The following NSD3 variants were observed in gnomAD, a reference collection of about 807,000 sequenced individuals.
The protein encoded by NSD3 is nuclear receptor binding SET domain protein 3, also known as histone-lysine N-methyltransferase NSD3.
Under a neutral mutation model 160.8 loss-of-function variants are expected in NSD3, and 24 were observed. That is an observed-to-expected ratio of 0.15 (90% CI 0.11 to 0.21). The LOEUF (loss-of-function observed/expected upper bound fraction) is 0.21, where lower values mean the gene tolerates loss of function less well. NSD3 is among the 10% of genes least tolerant of loss of function. The pLI, the probability that NSD3 is intolerant of heterozygous loss-of-function variation, is 1.00. For synonymous variants in NSD3, 520 were observed against 600.0 expected (o/e 0.87, Z 1.95); for missense variants, 1,157 against 1,735.9 (o/e 0.67, Z 5.93).
intron 16 of NSD3, among the ~76,000 whole-genome samples, chr8:38,294,335 A>G (rs1809080940): frequency 6.6e-6 from 1 of 152,150 alleles, no homozygotes; most frequent in East Asian, 1.9e-4. Context: ...AGCTCAAGCA[A>G]TCCACCTGCC....
At chr8:38,308,837 T>C (rs1809467073) in intron 12 of NSD3, among the ~76,000 whole-genome samples, 1 of 151,958 alleles carries the variant, frequency 6.6e-6, no homozygotes, top group Non-Finnish European at 1.5e-5. Context: ...AAATAAGCCT[T>C]CATTTATGTA....
intron 1 of NSD3, among the ~76,000 whole-genome samples, chr8:38,351,684 T>C (rs745778396): frequency 2.0e-5 from 3 of 150,294 alleles, no homozygotes; most frequent in African/African-American, 7.3e-5. Flanking sequence ...AAAAATACTA[T>C]GCAGCCATAA....
intron 15 of NSD3, among the ~76,000 whole-genome samples, chr8:38,298,483 C>T (rs980914967): frequency 6.6e-6 from 1 of 152,040 alleles, no homozygotes; most frequent in African/African-American, 2.4e-5. Flanking sequence ...ATACATCAAA[C>T]AGGCAACACA....
chr8:38,314,851 T>C lies in NSD3; in HGVS notation c.2116-78A>G, dbSNP rs1809618809. On this transcript the variant is annotated intron_variant, in intron 11 of 23. Coordinates refer to ENST00000317025, the MANE Select transcript of NSD3 (RefSeq NM_023034.2). ...ACATGGGCGGCTTGTTAAACACAAA[T>C]TACCGGGTCCCTCACCCACAGACTG... 1.0e-5 allele frequency: 15 copies of C among 1,480,840 alleles called. No homozygotes were observed. The South Asian group carries it at 1.3e-4, about 13-fold the overall frequency. The allele number at this position is 1,480,840 out of a possible 1,614,324, so 91.7% of individuals were successfully genotyped here.
chr8:38,359,507 A>G (rs1468369314), intron 1 of NSD3, among the ~76,000 whole-genome samples: 1 of 152,190 alleles, frequency 6.6e-6, no homozygotes, highest in African/African-American at 2.4e-5. Context: ...GTGGGTGTGG[A>G]CTTCTGGAGG....
chr8:38,324,729 A>G (rs1809867354), intron 7 of NSD3, among the ~76,000 whole-genome samples: 1 of 152,200 alleles, frequency 6.6e-6, no homozygotes, highest in Non-Finnish European at 1.5e-5. Flanking sequence ...GTCACTAGAA[A>G]AACCAAGCTA....
intron 13 of NSD3, 83 bp downstream of exon 13, chr8:38,305,165 G>T: frequency 7.2e-7 from 1 of 1,398,060 alleles, no homozygotes; most frequent in Non-Finnish European, 9.9e-7. Context: ...AATGCCTTAT[G>T]TTGTTTGTAA....
chr8:38,302,687 A>C (rs957606928), intron 14 of NSD3, among the ~76,000 whole-genome samples: 1 of 152,192 alleles, frequency 6.6e-6, no homozygotes, highest in African/African-American at 2.4e-5. Context: ...AATTGAAAAT[A>C]CTATATTTTG....
rs766537850 is a variant in NSD3 at position 38,347,879 on chromosome 8, T to C, written c.293A>G (p.Asn98Ser). The C allele has an allele frequency of 7.4e-6, 12 of 1,614,224 alleles. No individual in the cohort carries two copies. Among genetic ancestry groups the C allele is most frequent in the East Asian group, 2.2e-5 (1 of 44,886 alleles). Residue 98 changes from asparagine (N) to serine (S), a missense_variant, in exon 2 of 24, where the codon AAT becomes AGT. Coordinates refer to ENST00000317025, the MANE Select transcript of NSD3 (RefSeq NM_023034.2). ...AAAGTTTCTAACTGCACCAAAGCCA[T>C]TGGCTGACCCATTAGGATACTGATT... The part of the protein sequence containing the change: ...SYNQYPNGSA[N>S]GFGAVRNFSP...
At chr8:38,352,685 G>A (rs997240191) in intron 1 of NSD3, among the ~76,000 whole-genome samples, 2 of 151,864 alleles carry the variant, frequency 1.3e-5, no homozygotes, top group African/African-American at 2.4e-5. Flanking sequence ...ACAGCTCACC[G>A]CAGCCTTGAC....
intron 1 of NSD3, among the ~76,000 whole-genome samples, chr8:38,349,665 T>TTA (rs71519992): frequency 0.22 from 24,434 of 109,288 alleles, 2,841 homozygotes; most frequent in South Asian, 0.35. Flanking sequence ...ATTTCTTTCT[T>TTA]TATATATATA....
chr8:38,366,047 G>T (rs887537440), intron 1 of NSD3, among the ~76,000 whole-genome samples: 9 of 148,308 alleles, frequency 6.1e-5, no homozygotes, highest in Non-Finnish European at 1.2e-4. Flanking sequence ...GGAGGCGAAG[G>T]TTGCAGTGGG....
intron 5 of NSD3, among the ~76,000 whole-genome samples, chr8:38,330,147 C>T (rs1406728381): frequency 6.6e-6 from 1 of 152,176 alleles, no homozygotes; most frequent in Non-Finnish European, 1.5e-5. Flanking sequence ...GGGAGACATC[C>T]TTCTCCTCTC....
intron 22 of NSD3, 121 bp from the exon 23 acceptor site, chr8:38,276,621 A>G (rs1808607223): frequency 1.4e-5 from 14 of 996,382 alleles, no homozygotes; most frequent in Non-Finnish European, 1.9e-5. Context: ...ACCTAAAAAC[A>G]TCAGGAGGCC....
At chr8:38,372,974 C>T (rs1480629525) in intron 1 of NSD3, among the ~76,000 whole-genome samples, 9 of 149,254 alleles carry the variant, frequency 6.0e-5, no homozygotes, top group African/African-American at 2.2e-4. Flanking sequence ...CGCTTGAACC[C>T]GGGACGCGGA....
In NSD3 at chr8:38,305,437, G is replaced by T. The variant is rs939428764; in HGVS notation, c.2251C>A (p.Pro751Thr). Residue 751 changes from proline (P) to threonine (T), a missense_variant, in exon 13 of 24, where the codon CCA (proline) becomes ACA (threonine). Physicochemically the swap from Pro to Thr is conservative, Grantham distance 38 (BLOSUM62 -1). Coordinates refer to ENST00000317025, the MANE Select transcript of NSD3 (RefSeq NM_023034.2). ...CCAGACACTTTACACGAAAAACATG[G>T]GTGCTGCCCTGGAAAATTGGTGAGG... is the stretch of plus-strand genomic sequence containing the variant. ...ICMECKTGQHPCFSCKVSGKD... is the reference protein window; with the variant it reads ...ICMECKTGQHTCFSCKVSGKD... 1.2e-6 allele frequency: 2 copies of T among 1,613,826 alleles called. No homozygotes were observed. Among genetic ancestry groups the T allele is most frequent in the South Asian group, 2.2e-5 (2 of 91,044 alleles).
Position 38,318,205 on chromosome 8 carries a change from G to A in NSD3, c.1855+690C>T, listed in dbSNP as rs1031105993. On this transcript the variant is annotated intron_variant, in intron 9 of 23. Transcript: ENST00000317025. This position sits in a 1 kb window ranked among gnomAD's most constrained non-coding sequence, Gnocchi z 5.3. ...GCAGACTTCTCCCCGAGAATGCAGAGAGGCTGTTGTTTTATTTTATTTTTA... is the reference window on the plus strand; with the variant it reads ...GCAGACTTCTCCCCGAGAATGCAGAAAGGCTGTTGTTTTATTTTATTTTTA... Among the ~76,000 whole-genome samples, 19 of 152,078 alleles carry A rather than the reference G, an allele frequency of 1.2e-4. No homozygotes were observed.
chr8:38,357,893 A>T (rs1810863643), intron 1 of NSD3, among the ~76,000 whole-genome samples: 1 of 152,174 alleles, frequency 6.6e-6, no homozygotes, highest in South Asian at 2.1e-4. Context: ...CAGTCTCCTC[A>T]GGTAATATCC....
rs979464720 is a variant in NSD3 at position 38,329,593 on chromosome 8, T to C, written c.1366A>G (p.Thr456Ala). The C allele has an allele frequency of 4.3e-6, 7 of 1,614,256 alleles. No individual in the cohort carries two copies. The highest frequency in any genetic ancestry group is 1.7e-5 in the Admixed American group (1 of 60,026). The change falls in exon 6 of 24, where the codon ACA becomes GCA. Residue 456 changes from threonine (T) to alanine (A), a missense_variant. Thr to Ala is a moderately conservative substitution (Grantham distance 58). Coordinates refer to ENST00000317025, the MANE Select transcript of NSD3 (RefSeq NM_023034.2). This position sits in a 1 kb window ranked among gnomAD's most constrained non-coding sequence, Gnocchi z 4.8. ...GGTGGCTCTTCCTCTTCCGCACTTGTGTGCCGCCTCTGGCTATGTCTCCGA... is the reference window on the plus strand; with the variant it reads ...GGTGGCTCTTCCTCTTCCGCACTTGCGTGCCGCCTCTGGCTATGTCTCCGA... ...EIRRHSQRRH[T>A]SAEEEEPPPV...
Sources: gnomAD v4.1 joint callset for allele counts (sites outside exome capture counted in the v4.1 genomes callset) on GRCh38, gnomAD v4.1.1 for gene constraint, Gnocchi (gnomAD v3.1) non-coding constraint, MANE v1.5 for transcripts, NCBI Gene and HGNC (gene_info 2026-07-23, HGNC 2026-07-21) for gene names.